XKR6: variants seen among roughly 807,000 people sequenced by gnomAD.
The protein encoded by XKR6 is XK related 6, also known as XK-related protein 6.
XKR6 carries 22 observed loss-of-function variants against 56.7 expected under a neutral mutation model. The ratio of observed to expected loss-of-function variants is 0.39; its 90% CI spans 0.28 to 0.55. The LOEUF (loss-of-function observed/expected upper bound fraction) is 0.55, where lower values mean the gene tolerates loss of function less well. Among genes scored for constraint, XKR6 ranks in the 20% least tolerant of loss-of-function variants. The pLI, the probability that XKR6 is intolerant of heterozygous loss-of-function variation, is 0.66. For synonymous variants in XKR6, 524 were observed against 387.8 expected, an observed-to-expected ratio of 1.35 and a Z score of -4.13; for missense variants, 852 against 889.0, an observed-to-expected ratio of 0.96 and a Z score of 0.53.
chr8:11,180,289 G>C (rs1004616232), intron 1 of XKR6, among the ~76,000 whole-genome samples: 1 of 152,242 alleles, frequency 6.6e-6, no homozygotes, highest in African/African-American at 2.4e-5. Flanking sequence ...AGAATGGCTG[G>C]AACCTGAACA....
intron 1 of XKR6, among the ~76,000 whole-genome samples, chr8:11,001,538 T>C (rs996477213): frequency 6.6e-6 from 1 of 152,208 alleles, no homozygotes; most frequent in Non-Finnish European, 1.5e-5. Context: ...AACTCCTCTC[T>C]ACCCCTATAG....
At chr8:11,062,937 G>T (rs1490704026) in intron 1 of XKR6, 2 of 442,256 alleles carry the variant, frequency 4.5e-6, no homozygotes, top group Non-Finnish European at 9.2e-6. Context: ...CTTTCTTCAT[G>T]CATTGGCTAG....
At chr8:10,929,863 G>A (rs1285598455) in intron 1 of XKR6, among the ~76,000 whole-genome samples, 1 of 152,118 alleles carries the variant, frequency 6.6e-6, no homozygotes, top group Non-Finnish European at 1.5e-5. Flanking sequence ...AGCCCACTCT[G>A]CTTATATCTT....
chr8:11,085,329 G>C (rs1231321267), intron 1 of XKR6, among the ~76,000 whole-genome samples: 1 of 152,164 alleles, frequency 6.6e-6, no homozygotes, highest in Non-Finnish European at 1.5e-5. Context: ...TGCCTGCTCT[G>C]GTTGCCACAT....
At chr8:10,937,656 T>G (rs1164730044) in intron 1 of XKR6, among the ~76,000 whole-genome samples, 6 of 149,752 alleles carry the variant, frequency 4.0e-5, no homozygotes, top group Admixed American at 2.0e-4. Flanking sequence ...TGGAATACCC[T>G]GCCGTGTGAG....
chr8:10,960,469 A>G lies in XKR6; in HGVS notation c.765-35639T>C, dbSNP rs778307978. ...AAAATGATTAAAGTAAGAGAGACGG[A>G]AGCCTTTCCTTTGATCAGGGAATAT... On this transcript the variant is annotated intron_variant, in intron 1 of 2. Coordinates refer to ENST00000416569, the MANE Select transcript of XKR6 (RefSeq NM_173683.4). 1.1e-4 allele frequency among the ~76,000 whole-genome samples: 16 copies of G among 152,342 alleles called. No individual in the cohort carries two copies. In the South Asian group the frequency reaches 2.3e-3, roughly 22 times the overall value.
At chr8:11,131,215 T>G (rs1800087100) in intron 1 of XKR6, among the ~76,000 whole-genome samples, 1 of 152,166 alleles carries the variant, frequency 6.6e-6, no homozygotes, top group South Asian at 2.1e-4. Context: ...AGCTTTATAG[T>G]TCCCAGGCTT....
intron 1 of XKR6, among the ~76,000 whole-genome samples, chr8:11,017,463 G>A (rs1586436017): frequency 6.6e-6 from 1 of 152,176 alleles, no homozygotes; most frequent in African/African-American, 2.4e-5. Flanking sequence ...GCTGCAGGCA[G>A]TTTGAGCGCA....
At chr8:11,060,550 G>T (rs1219783192) in intron 1 of XKR6, among the ~76,000 whole-genome samples, 2 of 152,190 alleles carry the variant, frequency 1.3e-5, no homozygotes, top group Non-Finnish European at 2.9e-5. Flanking sequence ...ATGATTATTG[G>T]TCTGTTTGGG....
intron 2 of XKR6, among the ~76,000 whole-genome samples, chr8:10,912,656 A>ATATATGTAAAGAGAGAAAGAGGGTG (rs1428431550): frequency 0.043 from 1,885 of 44,214 alleles, 103 homozygotes; most frequent in African/African-American, 0.2. Flanking sequence ...GGGTGTCTAT[A>ATATATGTAAAGAGAGAAAGAGGGTG]TGTGTGTCTA....
intron 2 of XKR6, among the ~76,000 whole-genome samples, chr8:10,924,296 G>A (rs1341090936): frequency 6.6e-6 from 1 of 152,262 alleles, no homozygotes; most frequent in African/African-American, 2.4e-5. Context: ...TCCCATAGAT[G>A]TGCAAATGCC....
Position 11,041,926 on chromosome 8 carries a change from C to T in XKR6, c.765-117096G>A, listed in dbSNP as rs1234531122. ...AACACACACAAATGCAAATGTAAAC[C>T]ACACACATGTATACACACCCACACT... On this transcript the variant is annotated intron_variant, in intron 1 of 2. Transcript: ENST00000416569. Among the ~76,000 whole-genome samples the T allele has an allele frequency of 2.0e-5, 3 of 152,294 alleles. No homozygotes were observed. The East Asian group carries it at 5.8e-4, about 29-fold the overall frequency.
At chr8:11,113,920 T>C (rs985515969) in intron 1 of XKR6, 1 of 260,434 alleles carries the variant, frequency 3.8e-6, no homozygotes, top group African/African-American at 2.3e-5. Context: ...AGGAAGGAAC[T>C]GGGGCAGCAC....
At chr8:10,911,632 G>T (rs1035566070) in intron 2 of XKR6, among the ~76,000 whole-genome samples, 1 of 146,680 alleles carries the variant, frequency 6.8e-6, no homozygotes, top group African/African-American at 2.5e-5. Flanking sequence ...CAGAGAGGGG[G>T]TGAGTATATA....
At chr8:11,078,364 G>A (rs901314312) in intron 1 of XKR6, among the ~76,000 whole-genome samples, 14 of 152,182 alleles carry the variant, frequency 9.2e-5, no homozygotes, top group East Asian at 1.9e-4. Flanking sequence ...AGAACACACA[G>A]CTTTCAAATA....
chr8:11,173,383 A>ACACACG (rs1554478616), intron 1 of XKR6, among the ~76,000 whole-genome samples: 79 of 149,534 alleles, frequency 5.3e-4, no homozygotes, highest in African/African-American at 1.8e-3. Context: ...ACACACACAC[A>ACACACG]CACAAATATA....
At chr8:10,901,808 C>A (rs1162133776) in intron 2 of XKR6, among the ~76,000 whole-genome samples, 2 of 152,202 alleles carry the variant, frequency 1.3e-5, no homozygotes, top group Non-Finnish European at 2.9e-5. Context: ...TCTAAGCATG[C>A]TTTGAGCAGA....
At chr8:11,172,802 G>A (rs1359037184) in intron 1 of XKR6, among the ~76,000 whole-genome samples, 1 of 152,116 alleles carries the variant, frequency 6.6e-6, no homozygotes, top group Admixed American at 6.5e-5. Flanking sequence ...CAGAAAGCAT[G>A]CAGGCCCCAA....
intron 1 of XKR6, among the ~76,000 whole-genome samples, chr8:11,064,352 T>G (rs1384924905): frequency 6.6e-6 from 1 of 152,206 alleles, no homozygotes; most frequent in Non-Finnish European, 1.5e-5. Flanking sequence ...TAAAACTGTT[T>G]AACCAGCTGT....
Sources: gnomAD v4.1 joint callset for allele counts (sites outside exome capture counted in the v4.1 genomes callset) on GRCh38, gnomAD v4.1.1 for gene constraint, MANE v1.5 for transcripts, NCBI Gene and HGNC (gene_info 2026-07-23, HGNC 2026-07-21) for gene names.